CCR3: variants seen among roughly 807,000 people sequenced by gnomAD.
The protein encoded by CCR3 is C-C motif chemokine receptor 3.
For missense variants in CCR3, 419 were observed against 437.5 expected (o/e 0.96, Z 0.38); for synonymous variants, 203 against 179.2 (o/e 1.13, Z -1.06).
chr3:46,258,951 C>T (rs1287938678), intron 1 of CCR3, among the ~76,000 whole-genome samples: 1 of 152,158 alleles, frequency 6.6e-6, no homozygotes, highest in Non-Finnish European at 1.5e-5. Context: ...AGATTTAGGG[C>T]TACAATTCCT....
At chr3:46,264,029 A>G in intron 1 of CCR3, 1 of 204,152 alleles carries the variant, frequency 4.9e-6, no homozygotes, top group Admixed American at 5.7e-5. Context: ...CCTCTGAGGA[A>G]CTAGTGCATG....
At chr3:46,260,234 A>G (rs1700499028) in intron 1 of CCR3, among the ~76,000 whole-genome samples, 1 of 152,192 alleles carries the variant, frequency 6.6e-6, no homozygotes, top group African/African-American at 2.4e-5. Flanking sequence ...GGGTGGGGAC[A>G]CAGCCAAACC....
At chr3:46,241,591 G>C (rs551433948), upstream of CCR3, among the ~76,000 whole-genome samples, 1 of 152,218 alleles carries the variant, frequency 6.6e-6, no homozygotes, top group South Asian at 2.1e-4. Flanking sequence ...TTGGTTCCAC[G>C]GCAATGCTAT....
intron 2 of CCR3, among the ~76,000 whole-genome samples, chr3:46,227,918 G>T (rs949978441): frequency 6.6e-6 from 1 of 151,844 alleles, no homozygotes; most frequent in Non-Finnish European, 1.5e-5. Flanking sequence ...CTAAAACCCT[G>T]CATATGGTTT....
intron 2 of CCR3, among the ~76,000 whole-genome samples, chr3:46,226,306 T>A (rs949650989): frequency 6.6e-6 from 1 of 152,228 alleles, no homozygotes; most frequent in African/African-American, 2.4e-5. Flanking sequence ...TCTTCTAATC[T>A]ATGAACATGG....
intron 1 of CCR3, among the ~76,000 whole-genome samples, chr3:46,254,141 A>G (rs1323742993): frequency 1.3e-5 from 2 of 152,228 alleles, no homozygotes; most frequent in Non-Finnish European, 2.9e-5. Flanking sequence ...AGAATTATCC[A>G]GCAATGAAAT....
intron 1 of CCR3, among the ~76,000 whole-genome samples, chr3:46,245,743 CTCT>C (rs72198699): frequency 0.19 from 29,059 of 151,920 alleles, 3,033 homozygotes; most frequent in Admixed American, 0.28. Flanking sequence ...GTCTGTTGTT[CTCT>C]TCTTTGTGTT....
At chr3:46,226,001 T>A (rs1036802836) in intron 2 of CCR3, among the ~76,000 whole-genome samples, 1 of 152,166 alleles carries the variant, frequency 6.6e-6, no homozygotes, top group Non-Finnish European at 1.5e-5. Flanking sequence ...TATTTGTGAG[T>A]CTAGTTCTGA....
chr3:46,245,997 C>T (rs1700182740), intron 1 of CCR3, among the ~76,000 whole-genome samples: 1 of 152,126 alleles, frequency 6.6e-6, no homozygotes, highest in Non-Finnish European at 1.5e-5. Context: ...ATTTTTCATA[C>T]AAAACATTCC....
At chr3:46,217,112 G>T (rs1043663844) in intron 2 of CCR3, among the ~76,000 whole-genome samples, 5 of 152,154 alleles carry the variant, frequency 3.3e-5, no homozygotes, top group African/African-American at 1.2e-4. Context: ...AAGTGAGGGG[G>T]AGGGAAGACA....
At chr3:46,211,414 G>A (rs1335552613) in intron 2 of CCR3, among the ~76,000 whole-genome samples, 6 of 150,948 alleles carry the variant, frequency 4.0e-5, no homozygotes, top group Admixed American at 2.6e-4. Context: ...GTAGAAATGG[G>A]TGTGTTATCA....
At chr3:46,214,129 GACATTA>G (rs1340948003) in intron 2 of CCR3, among the ~76,000 whole-genome samples, 1 of 152,142 alleles carries the variant, frequency 6.6e-6, no homozygotes, top group African/African-American at 2.4e-5. Flanking sequence ...CCCTCTTTTA[GACATTA>G]TTTCACACCT....
At chr3:46,246,498 T>C (rs867259507) in intron 1 of CCR3, among the ~76,000 whole-genome samples, 4 of 151,280 alleles carry the variant, frequency 2.6e-5, no homozygotes, top group Non-Finnish European at 5.9e-5. Flanking sequence ...TCAGTGGGGG[T>C]GATTTTTGAG....
chr3:46,223,433 A>C (rs1003475131), intron 2 of CCR3, among the ~76,000 whole-genome samples: 1 of 152,234 alleles, frequency 6.6e-6, no homozygotes, highest in Non-Finnish European at 1.5e-5. Flanking sequence ...TCTGTATTAC[A>C]TCTTTTCTCT....
chr3:46,246,711 C>A (rs1259189473), intron 1 of CCR3, among the ~76,000 whole-genome samples: 5 of 152,068 alleles, frequency 3.3e-5, no homozygotes, highest in African/African-American at 1.2e-4. Flanking sequence ...TTGGCTTGGG[C>A]TCAGAGGCCT....
chr3:46,225,903 C>T (rs976750228), intron 2 of CCR3, among the ~76,000 whole-genome samples: 20 of 152,250 alleles, frequency 1.3e-4, no homozygotes, highest in Admixed American at 8.5e-4. Context: ...GGTTTATCTA[C>T]GAATGTACAA....
At chr3:46,220,541 G>A (rs530733889) in intron 2 of CCR3, among the ~76,000 whole-genome samples, 11 of 152,268 alleles carry the variant, frequency 7.2e-5, no homozygotes, top group Non-Finnish European at 1.3e-4. Flanking sequence ...AATGAAAAAG[G>A]CACCTGCACA....
chr3:46,250,272 G>A (rs896181660), intron 1 of CCR3, among the ~76,000 whole-genome samples: 2 of 152,106 alleles, frequency 1.3e-5, no homozygotes, highest in African/African-American at 2.4e-5. Context: ...GAGGTGAGGC[G>A]ATAAAAAGAT....
At chr3:46,264,481 A>G (rs769401012) in intron 1 of CCR3, 1 of 1,448,178 alleles carries the variant, frequency 6.9e-7, no homozygotes, top group Non-Finnish European at 9.3e-7. Context: ...TTCAAAAGTT[A>G]AATTTAAAAA....
Sources: gnomAD v4.1 joint callset for allele counts (sites outside exome capture counted in the v4.1 genomes callset) on GRCh38, gnomAD v4.1.1 for gene constraint, MANE v1.5 for transcripts, NCBI Gene and HGNC (gene_info 2026-07-23, HGNC 2026-07-21) for gene names.